The following FBLN1 variants were observed in gnomAD, a reference collection of about 807,000 sequenced individuals.
The protein encoded by FBLN1 is fibulin 1.
In FBLN1, 34 loss-of-function variants were observed where a neutral mutation model predicts 89.7. The ratio of observed to expected loss-of-function variants is 0.38; its 90% CI spans 0.29 to 0.50. The LOEUF (loss-of-function observed/expected upper bound fraction) is 0.50, where lower values mean the gene tolerates loss of function less well. Among genes scored for constraint, FBLN1 ranks in the 20% least tolerant of loss-of-function variants. FBLN1 has a pLI of 0.92. For missense variants in FBLN1, 777 were observed against 988.1 expected (o/e 0.79, Z 2.86); for synonymous variants, 393 against 391.3 (o/e 1.00, Z -0.05).
Position 45,540,332 on chromosome 22 carries a change from C to T in FBLN1, c.923-897C>T, listed in dbSNP as rs574229657. Among the ~76,000 whole-genome samples, 5 of 152,268 alleles carry T rather than the reference C, an allele frequency of 3.3e-5. No homozygotes were observed. The East Asian group carries it at 9.7e-4, about 29-fold the overall frequency. On this transcript the variant is annotated intron_variant, in intron 8 of 16. Coordinates refer to ENST00000327858, the MANE Select transcript of FBLN1 (RefSeq NM_006486.3). The stretch of plus-strand genomic sequence containing the variant: ...GCAGGCTGGCTGTGGTGCTCGAGAG[C>T]GGTCATGGATGTAAAAGCTTTTGTA...
chr22:45,555,258 TATATATAAAATGGA>T (rs1310971651), intron 14 of FBLN1, among the ~76,000 whole-genome samples: 56 of 36,078 alleles, frequency 1.6e-3, no homozygotes, highest in African/African-American at 3.6e-3. Context: ...CATATATATA[TATATATAAAATGGA>T]ATATATATAT....
chr22:45,598,690 A>G (rs2089206523), intron 16 of FBLN1, among the ~76,000 whole-genome samples: 2 of 152,122 alleles, frequency 1.3e-5, no homozygotes, highest in South Asian at 4.1e-4. Flanking sequence ...CATCCTGTTC[A>G]TGATGTCTGG....
At position 45,563,235 on chromosome 22, in the gene FBLN1, A is replaced by G. The variant is rs751268089; in HGVS notation, c.1698-11276A>G. On this transcript the variant is annotated intron_variant, in intron 14 of 16. Transcript: ENST00000327858. The surrounding 1 kb of genome is among the most constrained non-coding windows in gnomAD (Gnocchi z 5.7). ...GGCACCGTCAGCTCCTTTGTGGCCA[A>G]GCTTTTCATCTTTGTGTCTGCAGAG... 6 of 1,613,746 alleles carry G rather than the reference A, an allele frequency of 3.7e-6. No individual in the cohort carries two copies. Among genetic ancestry groups the G allele is most frequent in the South Asian group, 1.1e-5 (1 of 91,086 alleles).
chr22:45,505,388 G>A (rs1462635918), intron 1 of FBLN1, among the ~76,000 whole-genome samples: 1 of 152,234 alleles, frequency 6.6e-6, no homozygotes, highest in Non-Finnish European at 1.5e-5. Flanking sequence ...TCAGGAGGTG[G>A]GGGCCAGGGC....
At chr22:45,569,894 A>G (rs2088936532) in intron 14 of FBLN1, among the ~76,000 whole-genome samples, 1 of 152,248 alleles carries the variant, frequency 6.6e-6, no homozygotes, top group African/African-American at 2.4e-5. Context: ...CACAGCTATT[A>G]TAAGCAAAAA....
chr22:45,594,253 CAGT>C (rs1297008217), intron 16 of FBLN1, among the ~76,000 whole-genome samples: 1 of 152,134 alleles, frequency 6.6e-6, no homozygotes, highest in Non-Finnish European at 1.5e-5. Context: ...TCTGAAAGAA[CAGT>C]GGTGTAGAAT....
At chr22:45,525,507 C>T (rs2088314359) in intron 2 of FBLN1, 36 bp from the exon 3 acceptor site, 1 of 1,548,154 alleles carries the variant, frequency 6.5e-7, no homozygotes, top group African/African-American at 1.4e-5. Flanking sequence ...GCCCCCTGCG[C>T]ACAGAGCCTT....
At chr22:45,564,279 C>G (rs1287373147) in intron 14 of FBLN1, among the ~76,000 whole-genome samples, 1 of 152,254 alleles carries the variant, frequency 6.6e-6, no homozygotes, top group Non-Finnish European at 1.5e-5. Context: ...TTCACCTCCC[C>G]TACAGCTCAT....
chr22:45,597,798 C>T lies in FBLN1; in HGVS notation c.1973-2509C>T, dbSNP rs561552093. ...CAGAAGCCTGTGCTTATCTCTCCAT[C>T]GGAGCTAAAGCCCATGTTTGCTTAG... is the stretch of plus-strand genomic sequence containing the variant. On this transcript the variant is annotated intron_variant, in intron 16 of 16. Transcript: ENST00000327858. This position sits in a 1 kb window ranked among gnomAD's most constrained non-coding sequence, Gnocchi z 4.2. Among the ~76,000 whole-genome samples, 6 of 152,216 alleles carry T rather than the reference C, an allele frequency of 3.9e-5. No individual in the cohort carries two copies. The highest frequency in any genetic ancestry group is 1.9e-4 in the East Asian group (1 of 5,200).
chr22:45,547,053 C>G, intron 11 of FBLN1, 32 bp from the exon 12 acceptor site: 1 of 1,613,746 alleles, frequency 6.2e-7, no homozygotes, highest in South Asian at 1.1e-5. Flanking sequence ...ACGTATGATG[C>G]TCTGAGCGGT....
chr22:45,546,397 A>G (rs1241945169), intron 11 of FBLN1, among the ~76,000 whole-genome samples: 1 of 152,016 alleles, frequency 6.6e-6, no homozygotes, highest in African/African-American at 2.4e-5. Flanking sequence ...TTGTATTTTT[A>G]GTAGAGATGG....
chr22:45,567,461 C>A (rs970886886), intron 14 of FBLN1, among the ~76,000 whole-genome samples: 1 of 152,132 alleles, frequency 6.6e-6, no homozygotes, highest in Admixed American at 6.5e-5. Context: ...ACCAAAAATA[C>A]AACAATTAGC....
At position 45,536,502 on chromosome 22, in the gene FBLN1, C is replaced by T. The variant is rs185271918; in HGVS notation, c.922+1165C>T. Reference sequence around the variant, plus strand: ...AACTCTGGCCAGGCACGGTGGCTCACACTTGTAATCCCAGCACTTTGGGAG... The same window carrying T: ...AACTCTGGCCAGGCACGGTGGCTCATACTTGTAATCCCAGCACTTTGGGAG... On this transcript the variant is annotated intron_variant, in intron 8 of 16. Coordinates refer to ENST00000327858, the MANE Select transcript of FBLN1 (RefSeq NM_006486.3). This position sits in a 1 kb window ranked among gnomAD's most constrained non-coding sequence, Gnocchi z 5.1. Among the ~76,000 whole-genome samples, 2 of 152,314 alleles carry T rather than the reference C, an allele frequency of 1.3e-5. No individual in the cohort carries two copies. Among genetic ancestry groups the T allele is most frequent in the Admixed American group, 1.3e-4 (2 of 15,290 alleles).
At chr22:45,540,093 C>G (rs1391943540) in intron 8 of FBLN1, among the ~76,000 whole-genome samples, 1 of 152,164 alleles carries the variant, frequency 6.6e-6, no homozygotes, top group Admixed American at 6.6e-5. Flanking sequence ...ACTTTATTTA[C>G]AAAAGCAGGT....
At chr22:45,553,715 G>C (rs752012719) in intron 14 of FBLN1, among the ~76,000 whole-genome samples, 20 of 152,198 alleles carry the variant, frequency 1.3e-4, no homozygotes, top group Non-Finnish European at 2.5e-4. Flanking sequence ...AAGGTTTTGG[G>C]GTGCTCTGAG....
Position 45,561,715 on chromosome 22 carries a change from C to A in FBLN1, c.1697+11100C>A, listed in dbSNP as rs1054607991. On this transcript the variant is annotated intron_variant, in intron 14 of 16. Coordinates refer to ENST00000327858, the MANE Select transcript of FBLN1 (RefSeq NM_006486.3). The surrounding 1 kb of genome is among the most constrained non-coding windows in gnomAD (Gnocchi z 4.7). ...GTTAGGGTTCTCTAGAGGGACAGAA[C>A]TAACGGAATACATATGTATAATGGA... Among the ~76,000 whole-genome samples, 1 of 152,260 alleles carries A rather than the reference C, an allele frequency of 6.6e-6. No homozygotes were observed. The highest frequency in any genetic ancestry group is 1.9e-4 in the East Asian group (1 of 5,182).
At chr22:45,542,079 T>A in intron 9 of FBLN1, 76 bp from the exon 10 acceptor site, 1 of 1,607,404 alleles carries the variant, frequency 6.2e-7, no homozygotes, top group Non-Finnish European at 8.5e-7. Flanking sequence ...CCTTTCTTGC[T>A]TTCCTTTCTG....
At position 45,556,367 on chromosome 22, in the gene FBLN1, G is replaced by C. The variant is rs1291143702; in HGVS notation, c.1697+5752G>C. On this transcript the variant is annotated intron_variant, in intron 14 of 16. Transcript: ENST00000327858. The surrounding 1 kb of genome is among the most constrained non-coding windows in gnomAD (Gnocchi z 4.6). The stretch of plus-strand genomic sequence containing the variant: ...GTTTCTGCAACTGGTCACATGGCTC[G>C]TAGCTGGTATTGATGACTGCCTTCT... Among the ~76,000 whole-genome samples, 1 of 152,074 alleles carries C rather than the reference G, an allele frequency of 6.6e-6. No homozygotes were observed. Among genetic ancestry groups the C allele is most frequent in the Admixed American group, 6.5e-5 (1 of 15,270 alleles).
rs1353886783 is a variant in FBLN1 at position 45,563,947 on chromosome 22, C to T, written c.1698-10564C>T. Among the ~76,000 whole-genome samples the T allele has an allele frequency of 1.3e-5, 2 of 152,186 alleles. No homozygotes were observed. Among genetic ancestry groups the T allele is most frequent in the African/African-American group, 4.8e-5 (2 of 41,454 alleles). The stretch of plus-strand genomic sequence containing the variant: ...CTCTTGCCTCAGTGAAGTCGTTTTG[C>T]CCCCACTGAGGATCCTGGCCCTGTG... On this transcript the variant is annotated intron_variant, in intron 14 of 16. Coordinates refer to ENST00000327858, the MANE Select transcript of FBLN1 (RefSeq NM_006486.3). This position sits in a 1 kb window ranked among gnomAD's most constrained non-coding sequence, Gnocchi z 5.7.
Sources: gnomAD v4.1 joint callset for allele counts (sites outside exome capture counted in the v4.1 genomes callset) on GRCh38, gnomAD v4.1.1 for gene constraint, Gnocchi (gnomAD v3.1) non-coding constraint, MANE v1.5 for transcripts, NCBI Gene and HGNC (gene_info 2026-07-23, HGNC 2026-07-21) for gene names.